The following PROS1 variants were observed in gnomAD, a reference collection of about 807,000 sequenced individuals.
The protein encoded by PROS1 is vitamin K-dependent protein S.
PROS1 carries 29 observed loss-of-function variants against 75.9 expected under a neutral mutation model. The observed-to-expected ratio is 0.38, with a 90% confidence interval of 0.28 to 0.52. The LOEUF (loss-of-function observed/expected upper bound fraction) is 0.52. Ranked by LOEUF, PROS1 falls within the 20% of genes least tolerant of loss-of-function variation. The probability of loss-of-function intolerance (pLI) is 0.83; values close to 1 mark genes in which losing one functional copy is unlikely to be tolerated. For synonymous variants in PROS1, 245 were observed against 280.6 expected (o/e 0.87, Z 1.27); for missense variants, 680 against 810.3 (o/e 0.84, Z 1.95).
In PROS1 at chr3:93,886,503, C is replaced by A; in HGVS notation, c.1156G>T (p.Val386Leu). The A allele has an allele frequency of 6.2e-7, 1 of 1,604,240 alleles. No homozygotes were observed. The highest frequency in any genetic ancestry group is 1.1e-5 in the South Asian group (1 of 90,798). The part of the protein sequence containing the change: ...DVINNGLWNM[V>L]SVEELEHSIS... The stretch of plus-strand genomic sequence containing the variant: ...CTATGTTCTAATTCTTCCACAGACA[C>A]CTACAATTAAAAAGAAAAATTACCA... Residue 386 changes from valine (V) to leucine (L), a missense_variant and splice_region_variant, in exon 11 of 15, where the codon GTG (valine) becomes TTG (leucine). Physicochemically the swap from Val to Leu is conservative, Grantham distance 32 (BLOSUM62 1). Coordinates refer to ENST00000394236, the MANE Select transcript of PROS1 (RefSeq NM_000313.4).
chr3:93,963,405 A>T lies in PROS1; in HGVS notation c.76+10269T>A, dbSNP rs79066634. 9.1e-3 allele frequency among the ~76,000 whole-genome samples: 1,388 copies of T among 152,188 alleles called. 25 individuals are homozygous for T. Among genetic ancestry groups the T allele is most frequent in the African/African-American group, 0.031 (1,302 of 41,488 alleles). On this transcript the variant is annotated intron_variant, in intron 1 of 14. Transcript: ENST00000394236. Reference sequence around the variant, plus strand: ...ACTTAGTTGCCAACACAGGTTGGTCACTCTCTTGACTTCCTCCTCACCCTC... The same window carrying T: ...ACTTAGTTGCCAACACAGGTTGGTCTCTCTCTTGACTTCCTCCTCACCCTC...
chr3:93,941,207 G>A (rs1165581388), intron 1 of PROS1, among the ~76,000 whole-genome samples: 4 of 152,084 alleles, frequency 2.6e-5, no homozygotes, highest in African/African-American at 7.2e-5. Flanking sequence ...TATTCAATAT[G>A]TTGATGACCT....
chr3:93,929,747 T>C (rs778262268), intron 1 of PROS1, among the ~76,000 whole-genome samples: 4 of 152,196 alleles, frequency 2.6e-5, no homozygotes, highest in Non-Finnish European at 5.9e-5. Context: ...GAGAAAAGTA[T>C]GGAGAGTGTC....
intron 1 of PROS1, among the ~76,000 whole-genome samples, chr3:93,971,355 CTAAATAAA>C (rs62998164): frequency 0.049 from 6,733 of 136,790 alleles, 249 homozygotes; most frequent in African/African-American, 0.097. Context: ...GACTCCATCT[CTAAATAAA>C]TAAATAAATA....
intron 1 of PROS1, among the ~76,000 whole-genome samples, chr3:93,934,136 C>T (rs534150393): frequency 7.4e-5 from 11 of 148,604 alleles, no homozygotes; most frequent in South Asian, 2.1e-4. Flanking sequence ...GCAGAGATTG[C>T]GCCACTGCAC....
intron 1 of PROS1, among the ~76,000 whole-genome samples, chr3:93,942,967 T>G (rs1226942627): frequency 6.6e-6 from 1 of 152,158 alleles, no homozygotes; most frequent in Admixed American, 6.5e-5. Flanking sequence ...GGGTAGACAC[T>G]TTCACTGGAT....
intron 4 of PROS1, among the ~76,000 whole-genome samples, chr3:93,910,391 C>T (rs1469852028): frequency 1.3e-5 from 2 of 152,144 alleles, no homozygotes; most frequent in African/African-American, 2.4e-5. Flanking sequence ...GAACAGAGAA[C>T]ACTGTTCAGT....
chr3:93,894,510 C>T (rs1241980041), intron 9 of PROS1, among the ~76,000 whole-genome samples: 1 of 152,120 alleles, frequency 6.6e-6, no homozygotes, highest in Non-Finnish European at 1.5e-5. Context: ...GCAGTTGATT[C>T]TATTATGGAG....
intron 10 of PROS1, among the ~76,000 whole-genome samples, chr3:93,887,037 GC>G (rs1400320790): frequency 6.6e-6 from 1 of 150,624 alleles, no homozygotes; most frequent in Admixed American, 6.6e-5. Context: ...TCCTGCCTCA[GC>G]CTCCCGAGTA....
intron 1 of PROS1, among the ~76,000 whole-genome samples, chr3:93,940,797 C>A (rs1316626489): frequency 6.6e-6 from 1 of 152,182 alleles, no homozygotes; most frequent in African/African-American, 2.4e-5. Context: ...TGTTATCACT[C>A]ACCTGCTACA....
At chr3:93,966,906 A>G (rs1037978558) in intron 1 of PROS1, among the ~76,000 whole-genome samples, 6 of 152,098 alleles carry the variant, frequency 3.9e-5, no homozygotes, top group African/African-American at 1.4e-4. Flanking sequence ...ATGTTCCTTC[A>G]TTGTTTCTCA....
At chr3:93,912,758 G>A (rs1708777623) in intron 3 of PROS1, among the ~76,000 whole-genome samples, 1 of 152,126 alleles carries the variant, frequency 6.6e-6, no homozygotes, top group Non-Finnish European at 1.5e-5. Context: ...AGAGCAAGAC[G>A]CTGAATTTGC....
At chr3:93,963,729 C>T (rs1027031966) in intron 1 of PROS1, among the ~76,000 whole-genome samples, 18 of 152,030 alleles carry the variant, frequency 1.2e-4, no homozygotes, top group African/African-American at 4.3e-4. Context: ...TTTAAACAAC[C>T]AGATCTCACG....
At chr3:93,941,399 A>T (rs1709285759) in intron 1 of PROS1, among the ~76,000 whole-genome samples, 1 of 152,036 alleles carries the variant, frequency 6.6e-6, no homozygotes. Context: ...TGACCAACTG[A>T]TCTCTCAGAC....
At chr3:93,920,776 TTC>T (rs746873613) in intron 3 of PROS1, among the ~76,000 whole-genome samples, 1 of 152,102 alleles carries the variant, frequency 6.6e-6, no homozygotes, top group South Asian at 2.1e-4. Context: ...TCTTTTTCTT[TTC>T]TCTCTCTTTC....
At chr3:93,893,482 CT>C (rs1444893488) in intron 9 of PROS1, among the ~76,000 whole-genome samples, 1 of 151,856 alleles carries the variant, frequency 6.6e-6, no homozygotes, top group Non-Finnish European at 1.5e-5. Context: ...CTCCTGGAGC[CT>C]TTTATACACT....
chr3:93,893,017 T>C lies in PROS1; in HGVS notation c.1071A>G (p.Gly357=). The C allele has an allele frequency of 6.2e-7, 1 of 1,613,822 alleles. No individual in the cohort carries two copies. Among genetic ancestry groups the C allele is most frequent in the Non-Finnish European group, 8.5e-7 (1 of 1,179,906 alleles). The change falls in exon 10 of 15, where the codon GGA becomes GGG. Residue 357 remains glycine (G), a synonymous_variant. Coordinates refer to ENST00000394236, the MANE Select transcript of PROS1 (RefSeq NM_000313.4). ...CATTCTTAAGCTGAACTTCAATCTT[T>C]CCACCACGAAGTGCAATCAGGAGCC... ...SAWLLIALRG[G]KIEVQLKNEH... is the part of the protein sequence containing the mutation.
At chr3:93,950,103 T>C (rs1709470712) in intron 1 of PROS1, among the ~76,000 whole-genome samples, 1 of 151,916 alleles carries the variant, frequency 6.6e-6, no homozygotes, top group African/African-American at 2.4e-5. Context: ...CAGTCTGAGA[T>C]CAAATTGCAA....
At chr3:93,896,137 T>C (rs1276159495) in intron 9 of PROS1, among the ~76,000 whole-genome samples, 1 of 152,190 alleles carries the variant, frequency 6.6e-6, no homozygotes, top group Non-Finnish European at 1.5e-5. Context: ...TATATGTCTT[T>C]AAAATGCCAC....
Sources: gnomAD v4.1 joint callset for allele counts (sites outside exome capture counted in the v4.1 genomes callset) on GRCh38, gnomAD v4.1.1 for gene constraint, MANE v1.5 for transcripts, NCBI Gene and HGNC (gene_info 2026-07-23, HGNC 2026-07-21) for gene names.